The following ABCC1 variants were observed in gnomAD, a reference collection of about 807,000 sequenced individuals.
ABCC1 encodes the protein multidrug resistance-associated protein 1.
ABCC1 carries 83 observed loss-of-function variants against 172.9 expected under a neutral mutation model. The observed-to-expected ratio is 0.48, with a 90% CI of 0.40 to 0.58. The LOEUF is 0.58. ABCC1 is among the 20% of genes least tolerant of loss of function. The probability of loss-of-function intolerance (pLI) is 0.00; values close to 1 mark genes in which losing one functional copy is unlikely to be tolerated. For missense variants in ABCC1, 1,817 were observed against 2,002.7 expected, an observed-to-expected ratio of 0.91 and a Z score of 1.77; for synonymous variants, 937 against 825.2, an observed-to-expected ratio of 1.14 and a Z score of -2.32.
chr16:16,112,933 A>G (rs2044685211), intron 22 of ABCC1, among the ~76,000 whole-genome samples: 1 of 152,046 alleles, frequency 6.6e-6, no homozygotes, highest in Non-Finnish European at 1.5e-5. Context: ...AGTGGCAGAG[A>G]TGGGATTTGG....
At chr16:16,043,099 G>A (rs973604663) in intron 7 of ABCC1, among the ~76,000 whole-genome samples, 5 of 151,560 alleles carry the variant, frequency 3.3e-5, no homozygotes, top group Non-Finnish European at 7.4e-5. Context: ...CTGACCTCAA[G>A]TGATCCACCC....
chr16:16,035,258 C>T (rs1468896235), intron 6 of ABCC1, among the ~76,000 whole-genome samples: 5 of 151,808 alleles, frequency 3.3e-5, no homozygotes, highest in East Asian at 1.9e-4. Flanking sequence ...AAAAATTAGC[C>T]GGGCAGCACA....
intron 1 of ABCC1, among the ~76,000 whole-genome samples, chr16:15,974,988 T>C (rs2046450776): frequency 6.6e-6 from 1 of 152,052 alleles, no homozygotes; most frequent in African/African-American, 2.4e-5. Context: ...GGTTTCACCA[T>C]GTTGGCCAGG....
At chr16:15,951,683 TC>T (rs1401078066) in intron 1 of ABCC1, among the ~76,000 whole-genome samples, 3 of 149,372 alleles carry the variant, frequency 2.0e-5, no homozygotes, top group Non-Finnish European at 2.9e-5. Flanking sequence ...TTTTTTCTTT[TC>T]TTTTTTTTTT....
At chr16:15,959,889 C>G (rs569209457) in intron 1 of ABCC1, among the ~76,000 whole-genome samples, 43 of 152,244 alleles carry the variant, frequency 2.8e-4, no homozygotes, top group African/African-American at 9.9e-4. Context: ...AGTTTTCTCT[C>G]TGAGAAACCT....
intron 10 of ABCC1, among the ~76,000 whole-genome samples, chr16:16,049,169 A>G (rs1297894297): frequency 2.6e-5 from 4 of 152,128 alleles, no homozygotes; most frequent in East Asian, 3.9e-4. Flanking sequence ...ACTTCCCTAC[A>G]TGGCTCCGTA....
At chr16:16,000,285 T>G (rs568526844) in intron 1 of ABCC1, among the ~76,000 whole-genome samples, 1 of 151,860 alleles carries the variant, frequency 6.6e-6, no homozygotes, top group African/African-American at 2.4e-5. Context: ...TAGCTGGGAT[T>G]ATAGGCGAGT....
intron 1 of ABCC1, among the ~76,000 whole-genome samples, chr16:16,003,539 G>GTGGA (rs941651136): frequency 1.3e-5 from 2 of 148,580 alleles, no homozygotes; most frequent in African/African-American, 2.4e-5. Context: ...TGGTAGGTGG[G>GTGGA]TGGATGGATG....
chr16:16,070,103 T>A (rs1452703227), intron 13 of ABCC1, among the ~76,000 whole-genome samples: 1 of 152,088 alleles, frequency 6.6e-6, no homozygotes, highest in Non-Finnish European at 1.5e-5. Flanking sequence ...ATTTTTTGGC[T>A]GGGCGCAGTG....
At chr16:16,069,024 A>C (rs959763931) in intron 13 of ABCC1, among the ~76,000 whole-genome samples, 2 of 149,806 alleles carry the variant, frequency 1.3e-5, no homozygotes, top group Non-Finnish European at 1.5e-5. Context: ...CCCCAACCTT[A>C]CGGCCGGGCA....
chr16:16,125,551 C>T (rs906405686), intron 25 of ABCC1, among the ~76,000 whole-genome samples: 11 of 152,144 alleles, frequency 7.2e-5, no homozygotes, highest in South Asian at 6.2e-4. Flanking sequence ...GCCTCAGCCT[C>T]CCAAATAGCT....
intron 20 of ABCC1, among the ~76,000 whole-genome samples, chr16:16,104,925 G>C (rs535124919): frequency 6.6e-6 from 1 of 152,092 alleles, no homozygotes; most frequent in African/African-American, 2.4e-5. Flanking sequence ...CTCTGAGTGC[G>C]GGGTCCACCG....
At chr16:16,048,341 G>T (rs770119839) in intron 10 of ABCC1, 38 bp downstream of exon 10, 1 of 1,609,978 alleles carries the variant, frequency 6.2e-7, no homozygotes, top group Non-Finnish European at 8.5e-7. Flanking sequence ...CATGCAGGGA[G>T]GGACTTCTAC....
At chr16:16,061,494 C>T (rs980546708) in intron 12 of ABCC1, among the ~76,000 whole-genome samples, 3 of 152,198 alleles carry the variant, frequency 2.0e-5, no homozygotes, top group Non-Finnish European at 2.9e-5. Context: ...TGGCTCCAGG[C>T]ATTGCGAAGT....
At chr16:15,974,727 C>A (rs2046445418) in intron 1 of ABCC1, among the ~76,000 whole-genome samples, 1 of 152,154 alleles carries the variant, frequency 6.6e-6, no homozygotes, top group Non-Finnish European at 1.5e-5. Context: ...TCAAAGATAG[C>A]AAAATAGGAA....
rs753635841 is a variant in ABCC1 at position 16,083,537 on chromosome 16, G to A, written c.2287G>A (p.Glu763Lys). 6.2e-6 allele frequency: 10 copies of A among 1,612,572 alleles called. No homozygotes were observed. Among genetic ancestry groups the A allele is most frequent in the South Asian group, 1.1e-5 (1 of 91,022 alleles). The change falls in exon 17 of 31, where the codon GAG becomes AAG. Residue 763 changes from glutamate (E) to lysine (K), a missense_variant. This residue lies in a region of ABCC1 where 1,412 missense variants were observed against 1,600.3 expected (regional missense o/e 0.88). Coordinates refer to ENST00000399410, the MANE Select transcript of ABCC1 (RefSeq NM_004996.4). ...CAGTGGGGATCGGACAGAGATTGGC[G>A]AGAAGGTCAGTATAGGTTGGATGTT... is the stretch of plus-strand genomic sequence containing the variant. ...LPSGDRTEIG[E>K]KGVNLSGGQK... is the part of the protein sequence containing the mutation.
chr16:16,103,678 G>A (rs376402879), intron 20 of ABCC1, among the ~76,000 whole-genome samples: 1 of 152,208 alleles, frequency 6.6e-6, no homozygotes, highest in Admixed American at 6.5e-5. Context: ...AGACCGCGGA[G>A]ATCTGAGAAA....
chr16:15,996,491 A>G (rs2047061136), intron 1 of ABCC1, among the ~76,000 whole-genome samples: 1 of 152,150 alleles, frequency 6.6e-6, no homozygotes, highest in Non-Finnish European at 1.5e-5. Flanking sequence ...CTTGTGGTAC[A>G]CAGTATGTCC....
chr16:16,026,212 G>C (rs1597136081), intron 5 of ABCC1, among the ~76,000 whole-genome samples: 1 of 151,254 alleles, frequency 6.6e-6, no homozygotes, highest in Non-Finnish European at 1.5e-5. Flanking sequence ...TGGGTGGATC[G>C]CTTGAGGTCA....
Sources: allele counts gnomAD v4.1 joint callset (sites outside exome capture counted in the v4.1 genomes callset), GRCh38; gene constraint gnomAD v4.1.1; regional missense constraint gnomAD v4.1.1; transcripts MANE v1.5; gene names NCBI Gene and HGNC (gene_info 2026-07-23, HGNC 2026-07-21).